The following RYR2 variants were observed in gnomAD, a reference collection of about 807,000 sequenced individuals.
The protein encoded by RYR2 is ryanodine receptor 2.
Under a neutral mutation model 601.1 loss-of-function variants are expected in RYR2, and 227 were observed. That is an observed-to-expected ratio of 0.38 (90% CI 0.34 to 0.42). The LOEUF (loss-of-function observed/expected upper bound fraction) is 0.42. RYR2 is among the 10% of genes least tolerant of loss of function. RYR2 has a pLI of 1.00. For missense variants in RYR2, 4,646 were observed against 6,156.5 expected (o/e 0.75, Z 8.21); for synonymous variants, 2,223 against 2,175.1 (o/e 1.02, Z -0.61).
intron 1 of RYR2, among the ~76,000 whole-genome samples, chr1:237,062,993 G>T (rs138341966): frequency 6.6e-6 from 1 of 151,346 alleles, no homozygotes; most frequent in African/African-American, 2.4e-5. Flanking sequence ...TGGACTGTTT[G>T]TGCCTACCCC....
At chr1:237,680,659 G>C (rs1420941834) in intron 62 of RYR2, 82 bp downstream of exon 62, 1 of 1,042,376 alleles carries the variant, frequency 9.6e-7, no homozygotes, top group Non-Finnish European at 1.4e-6. Context: ...CCTTGAAGTG[G>C]GGCTGTACGG....
chr1:237,058,928 C>A (rs1662515106), intron 1 of RYR2, among the ~76,000 whole-genome samples: 1 of 151,960 alleles, frequency 6.6e-6, no homozygotes, highest in Non-Finnish European at 1.5e-5. Flanking sequence ...ATTGAACATT[C>A]TCTAGTTTTG....
chr1:237,306,198 T>A (rs533128632), intron 2 of RYR2, among the ~76,000 whole-genome samples: 8 of 152,336 alleles, frequency 5.3e-5, no homozygotes, highest in African/African-American at 1.9e-4. Context: ...TAATACCATT[T>A]AATAATTTTC....
intron 80 of RYR2, among the ~76,000 whole-genome samples, chr1:237,748,774 A>T (rs1057306441): frequency 1.3e-5 from 2 of 152,214 alleles, no homozygotes; most frequent in Non-Finnish European, 2.9e-5. Context: ...GGCCCTCTTT[A>T]TCTGTGGCTT....
intron 56 of RYR2, 147 bp downstream of exon 56, chr1:237,661,094 TA>T (rs918053891): frequency 1.0e-4 from 80 of 776,576 alleles, no homozygotes; most frequent in African/African-American, 9.5e-4. Flanking sequence ...GCTATATATA[TA>T]TTTTTTTTAG....
intron 45 of RYR2, 148 bp downstream of exon 45, chr1:237,638,640 T>C: frequency 1.1e-6 from 1 of 889,180 alleles, no homozygotes; most frequent in Non-Finnish European, 1.7e-6. Context: ...CAGTAACCAC[T>C]TATAATACAA....
chr1:237,325,476 C>G (rs1696063845), intron 2 of RYR2, among the ~76,000 whole-genome samples: 1 of 152,042 alleles, frequency 6.6e-6, no homozygotes. Flanking sequence ...ATCATGAGGT[C>G]AGGAGATCGA....
chr1:237,250,138 C>T (rs1308349661), intron 1 of RYR2, among the ~76,000 whole-genome samples: 1 of 152,206 alleles, frequency 6.6e-6, no homozygotes, highest in African/African-American at 2.4e-5. Context: ...AATAGCTCTA[C>T]AGGACTGTGT....
At position 237,429,402 on chromosome 1, in the gene RYR2, C is replaced by A. The variant is rs1706559281; in HGVS notation, c.1005+6154C>A. Among the ~76,000 whole-genome samples, 3 of 152,140 alleles carry A rather than the reference C, an allele frequency of 2.0e-5. No individual in the cohort carries two copies. In the South Asian group the frequency reaches 6.2e-4, roughly 31 times the overall value. On this transcript the variant is annotated intron_variant, in intron 12 of 104. Transcript: ENST00000366574. ...GTGGTTACATATAACTGGGCTGTAG[C>A]TTTCCAGGCTGGCTGGTTCACTCAT...
intron 30 of RYR2, 112 bp from the exon 31 acceptor site, chr1:237,590,528 A>T: frequency 1.3e-6 from 1 of 749,828 alleles, no homozygotes; most frequent in South Asian, 2.3e-5. Context: ...AAATGATGCC[A>T]TGTGTGGACC....
At chr1:237,222,357 G>A (rs1031738430) in intron 1 of RYR2, among the ~76,000 whole-genome samples, 3 of 151,220 alleles carry the variant, frequency 2.0e-5, no homozygotes, top group Non-Finnish European at 4.4e-5. Flanking sequence ...AGCTTGCAGT[G>A]AGCCAATATC....
intron 67 of RYR2, among the ~76,000 whole-genome samples, chr1:237,706,510 T>C (rs140371801): frequency 3.3e-5 from 5 of 152,168 alleles, no homozygotes; most frequent in African/African-American, 9.6e-5. Context: ...CAGGAAAGAT[T>C]TGAGTATCTT....
intron 22 of RYR2, among the ~76,000 whole-genome samples, chr1:237,504,603 T>A (rs544206234): frequency 9.9e-5 from 15 of 152,196 alleles, no homozygotes; most frequent in Non-Finnish European, 1.9e-4. Flanking sequence ...ACAATACTTT[T>A]AAAAATAGGC....
intron 2 of RYR2, among the ~76,000 whole-genome samples, chr1:237,314,685 G>C (rs542037148): frequency 6.6e-6 from 1 of 152,308 alleles, no homozygotes; most frequent in South Asian, 2.1e-4. Context: ...CTTTTGAGGA[G>C]AGATGAAGGC....
chr1:237,268,509 A>G (rs1689296889), intron 1 of RYR2, among the ~76,000 whole-genome samples: 1 of 152,178 alleles, frequency 6.6e-6, no homozygotes, highest in Non-Finnish European at 1.5e-5. Context: ...TTTAAAGCAA[A>G]CAAATGAATG....
chr1:237,082,651 C>T (rs1362118911), intron 1 of RYR2, among the ~76,000 whole-genome samples: 2 of 150,554 alleles, frequency 1.3e-5, no homozygotes, highest in African/African-American at 2.4e-5. Flanking sequence ...AAGGTTAACC[C>T]ACGAAGCCTT....
chr1:237,633,786 A>G (rs1303488503), intron 43 of RYR2, 76 bp downstream of exon 43: 1 of 1,402,590 alleles, frequency 7.1e-7, no homozygotes, highest in Non-Finnish European at 9.6e-7. Flanking sequence ...ACGTTTTGTT[A>G]AAAAATGTGC....
At position 237,610,906 on chromosome 1, in the gene RYR2, C is replaced by T. The variant is rs794728738; in HGVS notation, c.4828C>T (p.Arg1610Ter). The T allele has an allele frequency of 1.9e-6, 3 of 1,613,262 alleles. No homozygotes were observed. The highest frequency in any genetic ancestry group is 2.5e-6 in the Non-Finnish European group (3 of 1,179,696). Residue 1610 changes from arginine to a stop codon, truncating the protein, a stop_gained, in exon 36 of 105, where the codon CGA (arginine) becomes TGA (stop). Transcript: ENST00000366574. LOFTEE classifies it high-confidence loss of function. The surrounding 1 kb of genome is among the most constrained non-coding windows in gnomAD (Gnocchi z 4.9). Reference protein sequence around the residue: ...PNQFLKVDVSRISERQGWLVQ... With the variant: ...PNQFLKVDVS ...CCAGTTTTTGAAGGTAGATGTGTCT[C>T]GAATAAGTGAACGCCAAGGCTGGTT...
At chr1:237,660,211 A>AC (rs1683646507) in intron 55 of RYR2, 137 bp downstream of exon 55, 4 of 448,208 alleles carry the variant, frequency 8.9e-6, no homozygotes, top group African/African-American at 2.0e-5. Context: ...CCCGTTTAAA[A>AC]AAAAAACCTT....
Sources: gnomAD v4.1 joint callset for allele counts (sites outside exome capture counted in the v4.1 genomes callset) on GRCh38, gnomAD v4.1.1 for gene constraint, Gnocchi (gnomAD v3.1) non-coding constraint, MANE v1.5 for transcripts, NCBI Gene and HGNC (gene_info 2026-07-23, HGNC 2026-07-21) for gene names.